PCNT: variants seen among roughly 807,000 people sequenced by gnomAD.
PCNT encodes kendrin.
PCNT carries 319 observed loss-of-function variants against 380.4 expected under a neutral mutation model. That is an observed-to-expected ratio of 0.84 (90% confidence interval 0.77 to 0.92). The LOEUF (loss-of-function observed/expected upper bound fraction) is 0.92, where lower values mean the gene tolerates loss of function less well. Among genes scored for constraint, PCNT ranks in the 40% least tolerant of loss-of-function variants. The pLI is 0.00. For synonymous variants in PCNT, 1,845 were observed against 1,735.2 expected (o/e 1.06, Z -1.57); for missense variants, 4,400 against 4,255.3 (o/e 1.03, Z -0.95).
Position 46,366,565 on chromosome 21 carries a change from G to T in PCNT, c.2610-19G>T, listed in dbSNP as rs1041966099. On this transcript the variant is annotated intron_variant, in intron 14 of 46. Transcript: ENST00000359568. ...CCTGATGCATGTTTAACTGTCCTGT[G>T]TTCACTTTGTTGCCGCAGGTTTTTA... 1.2e-6 allele frequency: 2 copies of T among 1,609,052 alleles called. No homozygotes were observed. The highest frequency in any genetic ancestry group is 1.7e-6 in the Non-Finnish European group (2 of 1,175,506).
rs1300136759 is a variant in PCNT, at chr21:46,425,455, T to C, written c.7180-376T>C. Among the ~76,000 whole-genome samples the C allele has an allele frequency of 6.6e-6, 1 of 152,162 alleles. No homozygotes were observed. The highest frequency in any genetic ancestry group is 6.5e-5 in the Admixed American group (1 of 15,282). ...CCAGGTGGGCAGGGAGTGTGTGATA[T>C]GTTTGTGATCTCGCTGTGGACATTG... On this transcript the variant is annotated intron_variant, in intron 32 of 46. Transcript: ENST00000359568. The surrounding 1 kb of genome is among the most constrained non-coding windows in gnomAD (Gnocchi z 4.2).
At chr21:46,421,208 C>T (rs997403163) in intron 31 of PCNT, among the ~76,000 whole-genome samples, 6 of 152,220 alleles carry the variant, frequency 3.9e-5, no homozygotes, top group Admixed American at 6.5e-5. Flanking sequence ...CAGGCTGTGC[C>T]GGGGCATCAT....
chr21:46,375,697 G>A (rs1601883144), intron 15 of PCNT, among the ~76,000 whole-genome samples: 1 of 152,142 alleles, frequency 6.6e-6, no homozygotes. Flanking sequence ...GATCACATGT[G>A]GGGCACTGGC....
chr21:46,378,201 G>A (rs1391020725), intron 15 of PCNT, among the ~76,000 whole-genome samples: 1 of 152,116 alleles, frequency 6.6e-6, no homozygotes, highest in African/African-American at 2.4e-5. Flanking sequence ...GTGGGTGCCT[G>A]AAATCGTGAA....
intron 17 of PCNT, among the ~76,000 whole-genome samples, chr21:46,386,934 G>A (rs1311346104): frequency 6.6e-6 from 1 of 152,114 alleles, no homozygotes; most frequent in Non-Finnish European, 1.5e-5. Context: ...TCTGTGTCCT[G>A]CTGCTGCTCC....
In PCNT at chr21:46,381,747, T is replaced by C. The variant is rs2085550046; in HGVS notation, c.3219T>C (p.Leu1073=). The C allele has an allele frequency of 1.9e-6, 3 of 1,614,014 alleles. No homozygotes were observed. The African/African-American group carries it at 4.0e-5, about 22-fold the overall frequency. The change falls in exon 16 of 47, where the codon CTT becomes CTC. Residue 1073 remains leucine (L), a synonymous_variant. Coordinates refer to ENST00000359568, the MANE Select transcript of PCNT (RefSeq NM_006031.6). ...CTTTGCATGAAAAAGAGGAGACACTTCGGCTTCAGAGTGCACAGGCACAGC... is the reference window on the plus strand; with the variant it reads ...CTTTGCATGAAAAAGAGGAGACACTCCGGCTTCAGAGTGCACAGGCACAGC... ...KTALHEKEET[L]RLQSAQAQPF... is the part of the protein sequence containing the mutation.
intron 31 of PCNT, 142 bp from the exon 32 acceptor site, chr21:46,421,828 G>A (rs894570378): frequency 1.1e-6 from 1 of 924,322 alleles, no homozygotes; most frequent in Admixed American, 2.2e-5. Flanking sequence ...GGGGCCATCA[G>A]TGTTTTCTCC....
Position 46,356,967 on chromosome 21 carries a change from C to T in PCNT, c.1937-7C>T, listed in dbSNP as rs745425941. 36 of 1,613,280 alleles carry T rather than the reference C, an allele frequency of 2.2e-5. No individual in the cohort carries two copies. The highest frequency in any genetic ancestry group is 2.8e-5 in the Non-Finnish European group (33 of 1,179,718). ...CTGACTGTCTTCCCTGCTCCTTTTC[C>T]ACACAGAGCTTCCCTGGGTGCATCT... On this transcript the variant is annotated splice_region_variant and splice_polypyrimidine_tract_variant and intron_variant, in intron 12 of 46. Coordinates refer to ENST00000359568, the MANE Select transcript of PCNT (RefSeq NM_006031.6).
chr21:46,425,923 G>A lies in PCNT; in HGVS notation c.7272G>A (p.Arg2424=). The A allele has an allele frequency of 1.2e-6, 2 of 1,614,110 alleles. No individual in the cohort carries two copies. Among genetic ancestry groups the A allele is most frequent in the Non-Finnish European group, 1.7e-6 (2 of 1,180,044 alleles). Residue 2424 remains arginine (R), a synonymous_variant, in exon 33 of 47, where the codon CGG becomes CGA. Coordinates refer to ENST00000359568, the MANE Select transcript of PCNT (RefSeq NM_006031.6). The surrounding 1 kb of genome is among the most constrained non-coding windows in gnomAD (Gnocchi z 4.2). ...APPSGEPHPP[R]KEDEIQDISL... The stretch of plus-strand genomic sequence containing the variant: ...CAAGCGGCGAGCCACACCCACCCCG[G>A]AAGGAAGACGAGATACAGGACATCT...
rs776782829 is a variant in PCNT, at chr21:46,351,490, G to A, written c.1406G>A (p.Arg469His). 32 of 1,613,254 alleles carry A rather than the reference G, an allele frequency of 2.0e-5. No homozygotes were observed. The highest frequency in any genetic ancestry group is 4.5e-5 in the East Asian group (2 of 44,894). Residue 469 changes from arginine (R) to histidine (H), a missense_variant, in exon 9 of 47, where the codon CGC becomes CAC. By Grantham distance (29) the Arg-to-His change is conservative. Transcript: ENST00000359568. ...LKAQSQEEIRRLWSQLDSART... is the reference protein window; with the variant it reads ...LKAQSQEEIRHLWSQLDSART... ...GCACAATCACAAGAAGAGATCAGGC[G>A]CTTGTGGTCCCAGCTTGATTCTGCC...
intron 38 of PCNT, among the ~76,000 whole-genome samples, chr21:46,432,851 CCT>C (rs1200510065): frequency 6.6e-6 from 1 of 152,178 alleles, no homozygotes; most frequent in Non-Finnish European, 1.5e-5. Flanking sequence ...AAACTTCTGA[CCT>C]CAGGTGATCC....
rs558090276 is a variant in PCNT at position 46,337,763 on chromosome 21, G to A, written c.639+2995G>A. Among the ~76,000 whole-genome samples the A allele has an allele frequency of 2.0e-5, 3 of 149,748 alleles. No individual in the cohort carries two copies. In the South Asian group the frequency reaches 6.4e-4, roughly 32 times the overall value. On this transcript the variant is annotated intron_variant, in intron 3 of 46. Transcript: ENST00000359568. ...ACGCCTGGCTAGTTTTGTATTTTTA[G>A]TAGAGATGGGGTTTCACCATGTTGG...
chr21:46,359,767 G>A (rs967990863), intron 13 of PCNT, among the ~76,000 whole-genome samples: 2 of 151,778 alleles, frequency 1.3e-5, no homozygotes, highest in Non-Finnish European at 2.9e-5. Context: ...GTTTACAGGC[G>A]TGAGCCACCG....
At chr21:46,412,784 GC>G (rs1217875065) in intron 28 of PCNT, 52 bp from the exon 29 acceptor site, 4 of 1,596,056 alleles carry the variant, frequency 2.5e-6, no homozygotes, top group Non-Finnish European at 3.4e-6. Flanking sequence ...CTGAGGGGCA[GC>G]CCCAGCAACA....
Position 46,397,304 on chromosome 21 carries a change from C to A in PCNT, c.4256C>A (p.Ser1419Ter). 1 of 1,614,054 alleles carries A rather than the reference C, an allele frequency of 6.2e-7. No homozygotes were observed. The highest frequency in any genetic ancestry group is 1.1e-5 in the South Asian group (1 of 91,064). ...GTGGAGGATCTGACCAAAGAACAGT[C>A]GGAGACCAGGAAGCAGGCTGAGAAG... The part of the protein sequence containing the change: ...KEVEDLTKEQ[S>*]ETRKQAEKDR... Residue 1419 changes from serine (S) to a stop codon, truncating the protein, a stop_gained, in exon 22 of 47, where the codon TCG becomes TAG. Transcript: ENST00000359568. LOFTEE classifies it high-confidence loss of function.
chr21:46,400,613 G>A (rs2086390968), intron 25 of PCNT, among the ~76,000 whole-genome samples: 1 of 150,434 alleles, frequency 6.6e-6, no homozygotes, highest in African/African-American at 2.5e-5. Context: ...CCTCCTCCCG[G>A]GTTCAAGCGA....
chr21:46,442,776 C>T, intron 44 of PCNT: 1 of 622,294 alleles, frequency 1.6e-6, no homozygotes, highest in Non-Finnish European at 2.9e-6. Flanking sequence ...GCTATGAACA[C>T]AGGTCACAGG....
intron 15 of PCNT, among the ~76,000 whole-genome samples, chr21:46,371,497 T>C (rs1486605086): frequency 6.6e-6 from 1 of 152,176 alleles, no homozygotes; most frequent in Non-Finnish European, 1.5e-5. Flanking sequence ...CCAGTGTAGT[T>C]ACTTACTTTT....
At chr21:46,342,392 C>T (rs2083933306) in intron 3 of PCNT, among the ~76,000 whole-genome samples, 2 of 152,182 alleles carry the variant, frequency 1.3e-5, no homozygotes, top group South Asian at 2.1e-4. Flanking sequence ...CAGGCGTGAG[C>T]CACTGTGCCT....
Sources: gnomAD v4.1 joint callset for allele counts (sites outside exome capture counted in the v4.1 genomes callset) on GRCh38, gnomAD v4.1.1 for gene constraint, Gnocchi (gnomAD v3.1) non-coding constraint, MANE v1.5 for transcripts, NCBI Gene and HGNC (gene_info 2026-07-23, HGNC 2026-07-21) for gene names.